TMCC1: variants seen among roughly 807,000 people sequenced by gnomAD.
TMCC1 encodes transmembrane and coiled-coil domains protein 1.
In TMCC1, 15 loss-of-function variants were observed where a neutral mutation model predicts 52.4. That is an observed-to-expected ratio of 0.29 (90% CI 0.19 to 0.44). The LOEUF (loss-of-function observed/expected upper bound fraction) is 0.44, where lower values mean the gene tolerates loss of function less well. TMCC1 is among the 20% of genes least tolerant of loss of function. TMCC1 has a pLI of 1.00. For missense variants in TMCC1, 503 were observed against 806.0 expected (o/e 0.62, Z 4.55); for synonymous variants, 279 against 301.9 (o/e 0.92, Z 0.79).
At position 129,828,886 on chromosome 3, in the gene TMCC1, T is replaced by A. The variant is rs1250900262; in HGVS notation, c.-130-378A>T. On this transcript the variant is annotated intron_variant, in intron 3 of 6. Coordinates refer to ENST00000393238, the MANE Select transcript of TMCC1 (RefSeq NM_001017395.5). This position sits in a 1 kb window ranked among gnomAD's most constrained non-coding sequence, Gnocchi z 4.1. ...TCAAGAGAAGAGACCATCCAATAGG[T>A]TTACTCTAGCTGAGGCAATTTAATC... Among the ~76,000 whole-genome samples, 1 of 152,144 alleles carries A rather than the reference T, an allele frequency of 6.6e-6. No homozygotes were observed. Among genetic ancestry groups the A allele is most frequent in the Non-Finnish European group, 1.5e-5 (1 of 68,028 alleles).
At chr3:129,658,827 A>G (rs1393614845) in intron 5 of TMCC1, among the ~76,000 whole-genome samples, 2 of 152,220 alleles carry the variant, frequency 1.3e-5, no homozygotes, top group East Asian at 3.8e-4. Context: ...GTAACTCCAC[A>G]GAACTAAGGA....
At chr3:129,845,688 GA>G (rs562378955) in intron 2 of TMCC1, among the ~76,000 whole-genome samples, 120 of 152,300 alleles carry the variant, frequency 7.9e-4, no homozygotes, top group African/African-American at 2.4e-3. Flanking sequence ...AAGTACCTGA[GA>G]AAAGGGTTGT....
intron 5 of TMCC1, among the ~76,000 whole-genome samples, chr3:129,670,057 C>T (rs2087789644): frequency 6.6e-6 from 1 of 152,152 alleles, no homozygotes; most frequent in Non-Finnish European, 1.5e-5. Flanking sequence ...AGTACAGTTA[C>T]AGGCTGCAAT....
At chr3:129,808,920 G>GAAAAAA (rs1560463636) in intron 4 of TMCC1, among the ~76,000 whole-genome samples, 1 of 22,258 alleles carries the variant, frequency 4.5e-5, no homozygotes. Flanking sequence ...TAGATATGCT[G>GAAAAAA]GAAAAAAAAA....
At chr3:129,874,035 C>A (rs1381532750) in intron 2 of TMCC1, among the ~76,000 whole-genome samples, 1 of 151,878 alleles carries the variant, frequency 6.6e-6, no homozygotes, top group African/African-American at 2.4e-5. Flanking sequence ...TACATATATA[C>A]ACAAATATGT....
intron 4 of TMCC1, among the ~76,000 whole-genome samples, chr3:129,767,289 T>C (rs2054205014): frequency 6.6e-6 from 1 of 150,762 alleles, no homozygotes; most frequent in Non-Finnish European, 1.5e-5. Context: ...ATACAAGGCA[T>C]GCATTGTATA....
In TMCC1 at chr3:129,813,455, A is replaced by G. The variant is rs373711372; in HGVS notation, c.576+14348T>C. ...TGGATAAAGAAAATGTGGTACATGTACACCACAGAATACTACACAGCAATA... is the reference window on the plus strand; with the variant it reads ...TGGATAAAGAAAATGTGGTACATGTGCACCACAGAATACTACACAGCAATA... On this transcript the variant is annotated intron_variant, in intron 4 of 6. Coordinates refer to ENST00000393238, the MANE Select transcript of TMCC1 (RefSeq NM_001017395.5). Among the ~76,000 whole-genome samples, 10 of 152,350 alleles carry G rather than the reference A, an allele frequency of 6.6e-5. No homozygotes were observed. The East Asian group carries it at 1.9e-3, about 29-fold the overall frequency.
At position 129,671,041 on chromosome 3, in the gene TMCC1, T is replaced by C. The variant is rs776667465; in HGVS notation, c.800A>G (p.Asn267Ser). Residue 267 changes from asparagine to serine, a missense_variant, in exon 5 of 7, where the codon AAC becomes AGC. Asn to Ser is a conservative substitution (Grantham distance 46). Coordinates refer to ENST00000393238, the MANE Select transcript of TMCC1 (RefSeq NM_001017395.5). ...GGCAGCCTGCTGTTTGTCTGCACTG[T>C]TGGCAAGCTTCAAGTATTCAGCAAC... ...DNVAEYLKLA[N>S]SADKQQAARI... The C allele has an allele frequency of 4.3e-6, 7 of 1,614,208 alleles. No individual in the cohort carries two copies. In the East Asian group the frequency reaches 8.9e-5, roughly 21 times the overall value.
chr3:129,757,660 AAAAC>A (rs1051747273), intron 4 of TMCC1, among the ~76,000 whole-genome samples: 17 of 152,076 alleles, frequency 1.1e-4, no homozygotes, highest in African/African-American at 3.4e-4. Flanking sequence ...GTCTCTACTA[AAAAC>A]AAACAAACAA....
intron 4 of TMCC1, among the ~76,000 whole-genome samples, chr3:129,708,556 T>G (rs1024016556): frequency 6.6e-6 from 1 of 152,236 alleles, no homozygotes; most frequent in African/African-American, 2.4e-5. Context: ...CTGCTTTTCA[T>G]TTATCTAGAT....
At chr3:129,800,262 T>C (rs1371085814) in intron 4 of TMCC1, among the ~76,000 whole-genome samples, 1 of 152,212 alleles carries the variant, frequency 6.6e-6, no homozygotes, top group East Asian at 1.9e-4. Context: ...GCTGTATCTA[T>C]TTTTTCTCTA....
intron 2 of TMCC1, among the ~76,000 whole-genome samples, chr3:129,846,056 AAAG>A (rs2059651592): frequency 6.6e-6 from 1 of 152,142 alleles, no homozygotes; most frequent in African/African-American, 2.4e-5. Context: ...AGAAAAAACA[AAAG>A]AAAAACATCA....
At chr3:129,708,645 T>G (rs141612451) in intron 4 of TMCC1, among the ~76,000 whole-genome samples, 211 of 152,368 alleles carry the variant, frequency 1.4e-3, no homozygotes, top group Middle Eastern at 6.8e-3. Context: ...GTCAATATTT[T>G]TAGCCCAGGA....
chr3:129,801,462 G>C (rs1200109253), intron 4 of TMCC1, among the ~76,000 whole-genome samples: 2 of 151,816 alleles, frequency 1.3e-5, no homozygotes, highest in Non-Finnish European at 2.9e-5. Context: ...TGTTTTGTTT[G>C]TTTGTTTTTG....
At chr3:129,749,635 G>T (rs1006437049) in intron 4 of TMCC1, among the ~76,000 whole-genome samples, 1 of 152,090 alleles carries the variant, frequency 6.6e-6, no homozygotes, top group African/African-American at 2.4e-5. Context: ...GATTTGCCAA[G>T]ACTAAGTTAT....
At chr3:129,851,164 A>C (rs967783594) in intron 2 of TMCC1, among the ~76,000 whole-genome samples, 2 of 152,214 alleles carry the variant, frequency 1.3e-5, no homozygotes, top group Admixed American at 6.5e-5. Context: ...GAAGCACATA[A>C]ATAAATCAGT....
At chr3:129,701,971 T>G (rs1475482059) in intron 4 of TMCC1, among the ~76,000 whole-genome samples, 1 of 152,042 alleles carries the variant, frequency 6.6e-6, no homozygotes, top group Admixed American at 6.6e-5. Context: ...TTTTAAAAAA[T>G]AGAAAAAAAT....
chr3:129,713,725 AG>A (rs370754341), intron 4 of TMCC1, among the ~76,000 whole-genome samples: 2 of 151,210 alleles, frequency 1.3e-5, no homozygotes, highest in Non-Finnish European at 1.5e-5. Flanking sequence ...AAAAAAAAAA[AG>A]AAAAAAAAAA....
At chr3:129,733,522 T>C (rs969267617) in intron 4 of TMCC1, among the ~76,000 whole-genome samples, 1 of 152,188 alleles carries the variant, frequency 6.6e-6, no homozygotes, top group Non-Finnish European at 1.5e-5. Flanking sequence ...GGTTTGGACA[T>C]TTCATTCTTT....
Sources: gnomAD v4.1 joint callset for allele counts (sites outside exome capture counted in the v4.1 genomes callset) on GRCh38, gnomAD v4.1.1 for gene constraint, Gnocchi (gnomAD v3.1) non-coding constraint, MANE v1.5 for transcripts, NCBI Gene and HGNC (gene_info 2026-07-23, HGNC 2026-07-21) for gene names.